HCN4: variants seen among roughly 807,000 people sequenced by gnomAD.
HCN4 encodes hyperpolarization activated cyclic nucleotide gated potassium channel 4.
Under a neutral mutation model 76.9 loss-of-function variants are expected in HCN4, and 29 were observed. That is an observed-to-expected ratio of 0.38 (90% CI 0.28 to 0.51). The LOEUF (loss-of-function observed/expected upper bound fraction) is 0.51, where lower values mean the gene tolerates loss of function less well. HCN4 is among the 20% of genes least tolerant of loss of function. The probability of loss-of-function intolerance (pLI) is 0.90; values close to 1 mark genes in which losing one functional copy is unlikely to be tolerated. For missense variants in HCN4, 1,416 were observed against 1,715.2 expected (o/e 0.83, Z 3.08); for synonymous variants, 772 against 762.5 (o/e 1.01, Z -0.21).
chr15:73,357,963 T>C (rs963575686), intron 1 of HCN4, among the ~76,000 whole-genome samples: 4 of 152,254 alleles, frequency 2.6e-5, no homozygotes, highest in East Asian at 3.9e-4. Context: ...GCTGGCTCTA[T>C]TTGTGCTAAT....
rs2151228645 is a variant in HCN4 at position 73,368,020 on chromosome 15, G to A, written c.251C>T (p.Ala84Val). The change falls in exon 1 of 8, where the codon GCG becomes GTG. Residue 84 changes from alanine to valine, a missense_variant. Physicochemically the swap from Ala to Val is moderately conservative, Grantham distance 64 (BLOSUM62 0). Coordinates refer to ENST00000261917, the MANE Select transcript of HCN4 (RefSeq NM_005477.3). The surrounding 1 kb of genome is among the most constrained non-coding windows in gnomAD (Gnocchi z 6.9). ...GTCGCCGTTCGTGCTGGACTTGCCCGCGCCGCGGGCCGGCCCTTCGCTGTC... is the reference window on the plus strand; with the variant it reads ...GTCGCCGTTCGTGCTGGACTTGCCCACGCCGCGGGCCGGCCCTTCGCTGTC... The part of the protein sequence containing the change: ...AADSEGPARG[A>V]GKSSTNGDCR... 7.0e-7 allele frequency: 1 copy of A among 1,419,604 alleles called. No individual in the cohort carries two copies. Among genetic ancestry groups the A allele is most frequent in the Non-Finnish European group, 9.1e-7 (1 of 1,093,758 alleles). 87.9% of individuals were successfully genotyped at this position (1,419,604 alleles called of 1,614,324 possible). A position where few individuals can be genotyped will look rare whatever the true frequency, so the allele number is the denominator to read the frequency against.
chr15:73,325,479 C>G lies in HCN4; in HGVS notation c.1591-35G>C, dbSNP rs200813893. ...GGAGAAGGGGGCGTCAGCTCCACCCCACCAGGGGGCGTCAGCAGCCAGCCC... is the reference window on the plus strand; with the variant it reads ...GGAGAAGGGGGCGTCAGCTCCACCCGACCAGGGGGCGTCAGCAGCCAGCCC... On this transcript the variant is annotated intron_variant, in intron 4 of 7. Coordinates refer to ENST00000261917, the MANE Select transcript of HCN4 (RefSeq NM_005477.3). The surrounding 1 kb of genome is among the most constrained non-coding windows in gnomAD (Gnocchi z 7.4). 5.0e-6 allele frequency: 8 copies of G among 1,612,298 alleles called. No individual in the cohort carries two copies. The Admixed American group carries it at 1.2e-4, about 24-fold the overall frequency.
intron 2 of HCN4, among the ~76,000 whole-genome samples, chr15:73,338,781 T>A (rs910801425): frequency 1.3e-5 from 2 of 152,228 alleles, no homozygotes; most frequent in African/African-American, 2.4e-5. Context: ...AGTGTCTGCG[T>A]TGAAGACAGC....
chr15:73,343,317 C>A lies in HCN4; in HGVS notation c.1209+68G>T. Reference sequence around the variant, plus strand: ...GCCTATGTTCAATTATCTGAGGTTCCCTGCCAGTTCCTCACTCCCTCTGTG... The same window carrying A: ...GCCTATGTTCAATTATCTGAGGTTCACTGCCAGTTCCTCACTCCCTCTGTG... On this transcript the variant is annotated intron_variant, in intron 2 of 7. Coordinates refer to ENST00000261917, the MANE Select transcript of HCN4 (RefSeq NM_005477.3). This position sits in a 1 kb window ranked among gnomAD's most constrained non-coding sequence, Gnocchi z 5.7. The A allele has an allele frequency of 3.4e-6, 5 of 1,481,336 alleles. No homozygotes were observed. Among genetic ancestry groups the A allele is most frequent in the East Asian group, 2.3e-5 (1 of 43,044 alleles). 91.8% of individuals were successfully genotyped at this position (1,481,336 alleles called of 1,614,324 possible). A position where few individuals can be genotyped will look rare whatever the true frequency, so the allele number is the denominator to read the frequency against.
chr15:73,366,755 G>A (rs990814190), intron 1 of HCN4, among the ~76,000 whole-genome samples: 1 of 152,194 alleles, frequency 6.6e-6, no homozygotes, highest in African/African-American at 2.4e-5. Context: ...GGGTCTCTGG[G>A]GTATGGATGG....
chr15:73,348,150 G>A (rs1478034735), intron 1 of HCN4, among the ~76,000 whole-genome samples: 1 of 152,228 alleles, frequency 6.6e-6, no homozygotes, highest in Non-Finnish European at 1.5e-5. Flanking sequence ...AGGGAGCTGA[G>A]GAAGACATGA....
In HCN4 at chr15:73,343,606, G is replaced by T. The variant is rs1555477316; in HGVS notation, c.988C>A (p.Pro330Thr). 3 of 1,614,014 alleles carry T rather than the reference G, an allele frequency of 1.9e-6. No homozygotes were observed. The highest frequency in any genetic ancestry group is 2.5e-6 in the Non-Finnish European group (3 of 1,180,034). Residue 330 changes from proline to threonine, a missense_variant, in exon 2 of 8, where the codon CCG becomes ACG. Coordinates refer to ENST00000261917, the MANE Select transcript of HCN4 (RefSeq NM_005477.3). This position sits in a 1 kb window ranked among gnomAD's most constrained non-coding sequence, Gnocchi z 5.7. ...VEDNTEIILDPQRIKMKYLKS... is the reference protein window; with the variant it reads ...VEDNTEIILDTQRIKMKYLKS... Reference sequence around the variant, plus strand: ...AGGTACTTCATTTTAATCCGCTGCGGGTCCAGGATGATCTCTGTGTTGTCC... The same window carrying T: ...AGGTACTTCATTTTAATCCGCTGCGTGTCCAGGATGATCTCTGTGTTGTCC...
intron 1 of HCN4, among the ~76,000 whole-genome samples, chr15:73,353,007 T>TGGAC (rs2043061651): frequency 9.4e-6 from 1 of 106,694 alleles, no homozygotes; most frequent in African/African-American, 2.9e-5. Flanking sequence ...GATGGACAGA[T>TGGAC]GGATGGATGG....
At chr15:73,327,407 G>A (rs1296766558) in intron 4 of HCN4, among the ~76,000 whole-genome samples, 3 of 152,014 alleles carry the variant, frequency 2.0e-5, no homozygotes, top group African/African-American at 4.8e-5. Context: ...CACAGCGCCC[G>A]GCCCCAGATG....
chr15:73,358,386 A>G (rs892232281), intron 1 of HCN4, among the ~76,000 whole-genome samples: 3 of 152,216 alleles, frequency 2.0e-5, no homozygotes, highest in Non-Finnish European at 4.4e-5. Context: ...TGACTTTGGC[A>G]TACAGTGGCT....
At chr15:73,333,481 CCT>C (rs2042945138) in intron 2 of HCN4, among the ~76,000 whole-genome samples, 1 of 152,140 alleles carries the variant, frequency 6.6e-6, no homozygotes, top group African/African-American at 2.4e-5. Flanking sequence ...TATGTCAGCC[CCT>C]GTCTACTGGT....
intron 2 of HCN4, among the ~76,000 whole-genome samples, chr15:73,335,077 C>G (rs1019216667): frequency 6.6e-6 from 1 of 152,190 alleles, no homozygotes; most frequent in African/African-American, 2.4e-5. Context: ...ACCAGAAGCC[C>G]CCGTGCTGGC....
intron 4 of HCN4, 140 bp downstream of exon 4, chr15:73,329,433 T>G (rs577766627): frequency 1.4e-6 from 1 of 739,466 alleles, no homozygotes; most frequent in East Asian, 2.7e-5. Context: ...GTCTCCCTCC[T>G]CCTGCTCTTC....
chr15:73,331,222 A>G (rs1334329873), intron 3 of HCN4, among the ~76,000 whole-genome samples: 28 of 152,144 alleles, frequency 1.8e-4, no homozygotes, highest in Admixed American at 1.8e-3. Context: ...ATGGCTTCCG[A>G]GGCCCCAAGT....
chr15:73,356,156 A>C (rs950271795), intron 1 of HCN4, among the ~76,000 whole-genome samples: 111 of 151,606 alleles, frequency 7.3e-4, no homozygotes, highest in African/African-American at 2.7e-3. Context: ...AAGCACTGGA[A>C]ATGGATTTGG....
intron 1 of HCN4, among the ~76,000 whole-genome samples, chr15:73,359,751 T>G (rs1567796771): frequency 6.6e-6 from 1 of 152,216 alleles, no homozygotes; most frequent in East Asian, 1.9e-4. Context: ...GCCCTGATTC[T>G]GGTCACACAC....
intron 1 of HCN4, among the ~76,000 whole-genome samples, chr15:73,352,573 C>T (rs892614572): frequency 1.4e-4 from 21 of 152,252 alleles, no homozygotes; most frequent in Non-Finnish European, 1.9e-4. Flanking sequence ...GAGAGCTGGT[C>T]GGGGGACCTT....
intron 2 of HCN4, among the ~76,000 whole-genome samples, chr15:73,336,302 C>T (rs2042965070): frequency 6.6e-6 from 1 of 152,176 alleles, no homozygotes; most frequent in Non-Finnish European, 1.5e-5. Flanking sequence ...TCTCTGGAAG[C>T]ACCCTGAGTG....
At chr15:73,352,998 A>C (rs184746889) in intron 1 of HCN4, among the ~76,000 whole-genome samples, 1 of 150,484 alleles carries the variant, frequency 6.6e-6, no homozygotes, top group Admixed American at 6.6e-5. Context: ...AAATGGATGG[A>C]TGGACAGATG....
Sources: allele counts gnomAD v4.1 joint callset (sites outside exome capture counted in the v4.1 genomes callset), GRCh38; gene constraint gnomAD v4.1.1; non-coding constraint Gnocchi (gnomAD v3.1); transcripts MANE v1.5; gene names NCBI Gene and HGNC (gene_info 2026-07-23, HGNC 2026-07-21).